The following SLC41A3 variants were observed in gnomAD, a reference collection of about 807,000 sequenced individuals.
The protein encoded by SLC41A3 is SLC41A1-like 2.
A neutral mutation model predicts 45.4 loss-of-function variants in SLC41A3; 44 were observed. The observed-to-expected ratio is 0.97, with a 90% CI of 0.76 to 1.25. The LOEUF (loss-of-function observed/expected upper bound fraction) is 1.25. Ranked by LOEUF, SLC41A3 falls within the 50% of genes most tolerant of loss-of-function variation. The probability of loss-of-function intolerance (pLI) is 0.00; values close to 1 mark genes in which losing one functional copy is unlikely to be tolerated. For missense variants in SLC41A3, 550 were observed against 600.6 expected, an observed-to-expected ratio of 0.92 and a Z score of 0.88; for synonymous variants, 256 against 252.4, an observed-to-expected ratio of 1.01 and a Z score of -0.13.
intron 1 of SLC41A3, among the ~76,000 whole-genome samples, chr3:126,089,676 C>G (rs1027688033): frequency 5.9e-5 from 9 of 152,174 alleles, no homozygotes; most frequent in Non-Finnish European, 7.3e-5. Flanking sequence ...GAGTACTTCC[C>G]AATGACAAAA....
At chr3:126,012,527 A>G in intron 9 of SLC41A3, 88 bp downstream of exon 9, 1 of 1,558,970 alleles carries the variant, frequency 6.4e-7, no homozygotes, top group Non-Finnish European at 8.7e-7. Flanking sequence ...TCAGGCATCC[A>G]TTGCTACAAA....
intron 1 of SLC41A3, chr3:126,079,041 G>T (rs560851082): frequency 6.6e-6 from 1 of 152,346 alleles, no homozygotes; most frequent in South Asian, 2.1e-4. Flanking sequence ...CAATGCTACA[G>T]GCACCCAGAC....
intron 7 of SLC41A3, 27 bp downstream of exon 7, chr3:126,016,704 G>A (rs1343436441): frequency 6.3e-7 from 1 of 1,590,866 alleles, no homozygotes; most frequent in Non-Finnish European, 8.5e-7. Context: ...AGGAGGAAGA[G>A]GGGCCGTGGC....
At chr3:126,087,746 G>T (rs1315331543), upstream of SLC41A3, among the ~76,000 whole-genome samples, 1 of 151,778 alleles carries the variant, frequency 6.6e-6, no homozygotes, top group Non-Finnish European at 1.5e-5. Flanking sequence ...TAAGCATGTT[G>T]TGAATGGTCT....
At chr3:126,048,079 C>T (rs1309228525) in intron 3 of SLC41A3, among the ~76,000 whole-genome samples, 1 of 152,072 alleles carries the variant, frequency 6.6e-6, no homozygotes, top group East Asian at 1.9e-4. Flanking sequence ...CTTGAATAGA[C>T]AGTTTTCCAA....
chr3:126,007,100 C>T lies in SLC41A3; in HGVS notation c.1380G>A (p.Leu460=), dbSNP rs1244118879. The change falls in exon 11 of 11, where the codon CTG becomes CTA. Residue 460 remains leucine, a synonymous_variant. Transcript: ENST00000360370. ...GCCAGTCAGTGAAAAAGCAGAGTGC[C>T]AGGAGGCCAGTACCGAGCAGGTCCC... The part of the protein sequence containing the change: ...GLGDLLGTGL[L]ALCFFTDWLL... 4 of 1,614,170 alleles carry T rather than the reference C, an allele frequency of 2.5e-6. No individual in the cohort carries two copies. Among genetic ancestry groups the T allele is most frequent in the East Asian group, 2.2e-5 (1 of 44,874 alleles).
rs374788905 is a variant in SLC41A3, at chr3:126,059,313, A to T, written c.274-8263T>A. 2.3e-4 allele frequency among the ~76,000 whole-genome samples: 31 copies of T among 135,568 alleles called. No individual in the cohort carries two copies. The East Asian group carries it at 4.1e-3, about 18-fold the overall frequency. The allele number at this position is 135,568 out of a possible 152,430, so 88.9% of individuals were successfully genotyped here. ...AAGAAAGAAAGAAAGAAAGAAAGGA[A>T]GGATGATCTGTGATAAGTGCTCTGA... On this transcript the variant is annotated intron_variant, in intron 2 of 10. Coordinates refer to ENST00000360370, the MANE Select transcript of SLC41A3 (RefSeq NM_017836.4).
chr3:126,061,330 G>C (rs1156287794), intron 2 of SLC41A3, among the ~76,000 whole-genome samples: 2 of 152,138 alleles, frequency 1.3e-5, no homozygotes, highest in Non-Finnish European at 2.9e-5. Context: ...TGAAAGACTT[G>C]TCCACCCCCT....
intron 3 of SLC41A3, among the ~76,000 whole-genome samples, chr3:126,037,657 C>T (rs1414672111): frequency 6.7e-6 from 1 of 149,808 alleles, no homozygotes. Context: ...GATGTGGGGG[C>T]AAATGAATGA....
intron 4 of SLC41A3, among the ~76,000 whole-genome samples, 178 bp downstream of exon 4, chr3:126,033,429 T>C (rs55924097): frequency 0.22 from 33,123 of 151,994 alleles, 4,058 homozygotes; most frequent in Non-Finnish European, 0.27. Context: ...TCAGGTGGGC[T>C]GAGCCTCCAG....
At chr3:126,009,915 T>A (rs1281763926) in intron 9 of SLC41A3, among the ~76,000 whole-genome samples, 2 of 152,118 alleles carry the variant, frequency 1.3e-5, no homozygotes, top group Non-Finnish European at 2.9e-5. Flanking sequence ...AGTTAGAAAA[T>A]ATAACACGGA....
intron 9 of SLC41A3, 26 bp downstream of exon 9, chr3:126,012,589 T>C (rs1312950863): frequency 6.2e-7 from 1 of 1,612,586 alleles, no homozygotes; most frequent in Non-Finnish European, 8.5e-7. Context: ...ATGGCTATCA[T>C]GGCCTCTGAA....
At chr3:126,062,488 A>G (rs1454686023) in intron 2 of SLC41A3, among the ~76,000 whole-genome samples, 1 of 152,154 alleles carries the variant, frequency 6.6e-6, no homozygotes, top group Admixed American at 6.5e-5. Flanking sequence ...CTTTCTCAGG[A>G]GCACAGTTAC....
chr3:126,067,563 A>C (rs1449681633), intron 2 of SLC41A3: 1 of 451,660 alleles, frequency 2.2e-6, no homozygotes, highest in South Asian at 1.6e-5. Context: ...CAACACCTTG[A>C]TCTTGGACTT....
intron 1 of SLC41A3, among the ~76,000 whole-genome samples, chr3:126,083,010 A>G (rs1157296103): frequency 2.6e-5 from 4 of 152,166 alleles, no homozygotes; most frequent in Non-Finnish European, 4.4e-5. Flanking sequence ...GAAAAATTAA[A>G]CTTTCTGTAC....
At chr3:126,061,893 C>T (rs755424855) in intron 2 of SLC41A3, among the ~76,000 whole-genome samples, 2 of 152,194 alleles carry the variant, frequency 1.3e-5, no homozygotes, top group East Asian at 1.9e-4. Flanking sequence ...GGGTTATTTT[C>T]GCCCCCATGA....
chr3:126,027,076 AAAG>A (rs1331324447), intron 4 of SLC41A3, among the ~76,000 whole-genome samples: 5 of 152,180 alleles, frequency 3.3e-5, no homozygotes, highest in African/African-American at 4.8e-5. Context: ...AAACGTTATT[AAAG>A]AAGGACACAG....
Position 126,068,006 on chromosome 3 carries a change from GCACGGT to G in SLC41A3, c.208_213del (p.Thr70_Val71del). 1 of 1,613,858 alleles carries G rather than the reference GCACGGT, an allele frequency of 6.2e-7. No homozygotes were observed. Among genetic ancestry groups the G allele is most frequent in the Non-Finnish European group, 8.5e-7 (1 of 1,179,956 alleles). Reference sequence around the variant, plus strand: ...AGTCCCAGGCCTGCAAACATGAAGGGCACGGTCACCTGAAGGCCTATGGACCAGGTG... The same window carrying G: ...AGTCCCAGGCCTGCAAACATGAAGGGCACCTGAAGGCCTATGGACCAGGTG... On this transcript the variant is annotated inframe_deletion, in exon 2 of 11. Coordinates refer to ENST00000360370, the MANE Select transcript of SLC41A3 (RefSeq NM_017836.4).
At chr3:126,098,896 C>T (rs982790166) in intron 1 of SLC41A3, among the ~76,000 whole-genome samples, 1 of 149,514 alleles carries the variant, frequency 6.7e-6, no homozygotes. Context: ...CTCTTGACAG[C>T]TGCTCCAGGA....
Sources: gnomAD v4.1 joint callset for allele counts (sites outside exome capture counted in the v4.1 genomes callset) on GRCh38, gnomAD v4.1.1 for gene constraint, MANE v1.5 for transcripts, NCBI Gene and HGNC (gene_info 2026-07-23, HGNC 2026-07-21) for gene names.